Variants in FOXK2 observed in about 807,000 individuals in gnomAD.
FOXK2 encodes the protein forkhead box K2, also known as forkhead box protein K2.
Under a neutral mutation model 53.3 loss-of-function variants are expected in FOXK2, and 24 were observed. That is an observed-to-expected ratio of 0.45 (90% CI 0.33 to 0.63). The LOEUF is 0.63. Ranked by LOEUF, FOXK2 falls within the 30% of genes least tolerant of loss-of-function variation. The pLI is 0.03. For missense variants in FOXK2, 952 were observed against 910.5 expected, an observed-to-expected ratio of 1.05 and a Z score of -0.59; for synonymous variants, 505 against 407.1, an observed-to-expected ratio of 1.24 and a Z score of -2.89.
At chr17:82,569,989 A>G (rs60078944) in intron 3 of FOXK2, among the ~76,000 whole-genome samples, 357 of 152,304 alleles carry the variant, frequency 2.3e-3, no homozygotes, top group African/African-American at 6.8e-3. Flanking sequence ...TTGGGAGGCC[A>G]AGGTGGGCGG....
intron 8 of FOXK2, chr17:82,595,727 C>G (rs1390894990): frequency 1.6e-6 from 2 of 1,277,158 alleles, no homozygotes; most frequent in African/African-American, 3.1e-5. Context: ...TCCCTGGGCC[C>G]TAAAAGTGCA....
At chr17:82,550,410 C>A (rs2044664297) in intron 1 of FOXK2, among the ~76,000 whole-genome samples, 1 of 151,950 alleles carries the variant, frequency 6.6e-6, no homozygotes, top group Admixed American at 6.6e-5. Context: ...TTGAACTTCA[C>A]TACAGAACAC....
chr17:82,581,600 C>G (rs545341025), intron 4 of FOXK2, among the ~76,000 whole-genome samples: 1 of 151,922 alleles, frequency 6.6e-6, no homozygotes, highest in Non-Finnish European at 1.5e-5. Context: ...CTCAGCCTCC[C>G]GAGCAACTGG....
chr17:82,557,020 T>G (rs2044732554), intron 1 of FOXK2, among the ~76,000 whole-genome samples: 1 of 148,284 alleles, frequency 6.7e-6, no homozygotes, highest in African/African-American at 2.5e-5. Context: ...TATTTTTATT[T>G]TATTATTATT....
At chr17:82,585,465 T>C (rs917773156) in intron 6 of FOXK2, among the ~76,000 whole-genome samples, 21 of 152,260 alleles carry the variant, frequency 1.4e-4, no homozygotes, top group Non-Finnish European at 2.8e-4. Context: ...GCTGGGGCTG[T>C]AGGCGCACAG....
chr17:82,551,318 A>C (rs2044675040), intron 1 of FOXK2, among the ~76,000 whole-genome samples: 1 of 11,960 alleles, frequency 8.4e-5, no homozygotes. Flanking sequence ...CTCCATCTCA[A>C]AAAAAAAAAT....
chr17:82,568,839 G>A (rs533969598), intron 3 of FOXK2, among the ~76,000 whole-genome samples: 32 of 148,074 alleles, frequency 2.2e-4, no homozygotes, highest in Admixed American at 8.0e-4. Flanking sequence ...GTTAAACCCC[G>A]CTTCTACCAA....
intron 1 of FOXK2, among the ~76,000 whole-genome samples, chr17:82,540,072 G>A (rs1041733532): frequency 6.6e-6 from 1 of 152,188 alleles, no homozygotes; most frequent in Non-Finnish European, 1.5e-5. Flanking sequence ...CCTGAGGTCG[G>A]GAGTTCAAGA....
intron 1 of FOXK2, among the ~76,000 whole-genome samples, chr17:82,525,954 T>TACTTTCTTAAGTGGCCTGAATCCCAC (rs1567962873): frequency 2.8e-5 from 4 of 143,488 alleles, no homozygotes; most frequent in African/African-American, 1.0e-4. Context: ...ATCCCACACT[T>TACTTTCTTAAGTGGCCTGAATCCCAC]ACTTTCTTAT....
chr17:82,578,873 A>G (rs773376454), intron 4 of FOXK2, among the ~76,000 whole-genome samples: 1 of 152,150 alleles, frequency 6.6e-6, no homozygotes, highest in Non-Finnish European at 1.5e-5. Context: ...TTCTGCTCAC[A>G]TGGCTGGAGT....
intron 4 of FOXK2, among the ~76,000 whole-genome samples, chr17:82,573,358 T>TG (rs1281049378): frequency 6.6e-6 from 1 of 152,090 alleles, no homozygotes; most frequent in East Asian, 1.9e-4. Flanking sequence ...CCTGCCTGCC[T>TG]TCCTGTCTAC....
intron 3 of FOXK2, among the ~76,000 whole-genome samples, chr17:82,569,504 ATG>A (rs1193433195): frequency 2.0e-5 from 3 of 152,222 alleles, no homozygotes; most frequent in Non-Finnish European, 2.9e-5. Context: ...CCATACGAGC[ATG>A]TTGGGGATGC....
intron 1 of FOXK2, among the ~76,000 whole-genome samples, chr17:82,537,162 A>AT (rs2044528563): frequency 6.6e-6 from 1 of 152,156 alleles, no homozygotes; most frequent in Non-Finnish European, 1.5e-5. Flanking sequence ...AGTGAGTGGG[A>AT]TGCTGGGCTG....
chr17:82,571,115 G>C (rs1352225279), intron 3 of FOXK2, among the ~76,000 whole-genome samples: 1 of 152,136 alleles, frequency 6.6e-6, no homozygotes, highest in Non-Finnish European at 1.5e-5. Context: ...CCCCTCGCCT[G>C]TACCCCTGGG....
intron 1 of FOXK2, among the ~76,000 whole-genome samples, chr17:82,532,305 A>G (rs2044479726): frequency 6.7e-6 from 1 of 149,308 alleles, no homozygotes; most frequent in African/African-American, 2.5e-5. Flanking sequence ...AGACCAGCCC[A>G]GCTAGTTTTT....
intron 1 of FOXK2, among the ~76,000 whole-genome samples, chr17:82,524,221 G>C (rs1316118058): frequency 6.6e-6 from 1 of 152,194 alleles, no homozygotes; most frequent in Non-Finnish European, 1.5e-5. Flanking sequence ...GCTTATTTCA[G>C]ATTTGTCTAC....
At position 82,586,489 on chromosome 17, in the gene FOXK2, C is replaced by G. The variant is rs62079667; in HGVS notation, c.1576+289C>G. Among the ~76,000 whole-genome samples, 1,562 of 3,112 alleles carry G rather than the reference C, an allele frequency of 0.5. 423 individuals are homozygous for G. Among genetic ancestry groups the G allele is most frequent in the Middle Eastern group, 0.75 (6 of 8 alleles). 2.0% of individuals were successfully genotyped at this position (3,112 alleles called of 152,430 possible). Reference sequence around the variant, plus strand: ...AGGAGAGGGGAGACCACAGGGAGGTCAAAGGTGGGCCGGGGGGGAAAGGAG... The same window carrying G: ...AGGAGAGGGGAGACCACAGGGAGGTGAAAGGTGGGCCGGGGGGGAAAGGAG... On this transcript the variant is annotated intron_variant, in intron 7 of 8. Coordinates refer to ENST00000335255, the MANE Select transcript of FOXK2 (RefSeq NM_004514.4).
In FOXK2 at chr17:82,598,879, C is replaced by T. The variant is rs370244440; in HGVS notation, c.1787-2424C>T. The T allele has an allele frequency of 1.2e-4, 18 of 152,174 alleles. No individual in the cohort carries two copies. The East Asian group carries it at 2.1e-3, about 18-fold the overall frequency. The allele number at this position is 152,174 out of a possible 1,614,324, so 9.4% of individuals were successfully genotyped here. On this transcript the variant is annotated intron_variant, in intron 8 of 8. Transcript: ENST00000335255. Reference sequence around the variant, plus strand: ...CCTCTCTCTGTGGGGGCCACCCTGCCGTCAGGCGCCAGGAAACCGACGTCA... The same window carrying T: ...CCTCTCTCTGTGGGGGCCACCCTGCTGTCAGGCGCCAGGAAACCGACGTCA...
chr17:82,601,509 G>C lies in FOXK2; in HGVS notation c.*10G>C. On this transcript the variant is annotated 3_prime_UTR_variant, in exon 9 of 9. Coordinates refer to ENST00000335255, the MANE Select transcript of FOXK2 (RefSeq NM_004514.4). ...GGGTGTCCAGAACTAGCGACCGGGAGAGCTTTTCTTTAACGATATCAACTC... is the reference window on the plus strand; with the variant it reads ...GGGTGTCCAGAACTAGCGACCGGGACAGCTTTTCTTTAACGATATCAACTC... 1 of 1,592,654 alleles carries C rather than the reference G, an allele frequency of 6.3e-7. No homozygotes were observed. The highest frequency in any genetic ancestry group is 1.1e-5 in the South Asian group (1 of 90,162).
Sources: gnomAD v4.1 joint callset for allele counts (sites outside exome capture counted in the v4.1 genomes callset) on GRCh38, gnomAD v4.1.1 for gene constraint, MANE v1.5 for transcripts, NCBI Gene and HGNC (gene_info 2026-07-23, HGNC 2026-07-21) for gene names.